PHF3: variants seen among roughly 807,000 people sequenced by gnomAD.
PHF3 encodes PHD finger protein 3.
Under a neutral mutation model 178.4 loss-of-function variants are expected in PHF3, and 41 were observed. The ratio of observed to expected loss-of-function variants is 0.23; its 90% CI spans 0.18 to 0.30. PHF3 has a LOEUF of 0.30. Among genes scored for constraint, PHF3 ranks in the 10% least tolerant of loss-of-function variants. The pLI, the probability that PHF3 is intolerant of heterozygous loss-of-function variation, is 1.00. For synonymous variants in PHF3, 842 were observed against 800.5 expected (o/e 1.05, Z -0.88); for missense variants, 2,346 against 2,398.1 (o/e 0.98, Z 0.45).
chr6:63,663,684 A>C (rs950184209), intron 2 of PHF3, among the ~76,000 whole-genome samples: 1 of 152,148 alleles, frequency 6.6e-6, no homozygotes, highest in South Asian at 2.1e-4. Flanking sequence ...GCTAACAGTG[A>C]TAGAAAACTC....
chr6:63,655,739 G>A (rs2149549849), intron 2 of PHF3, among the ~76,000 whole-genome samples: 1 of 152,228 alleles, frequency 6.6e-6, no homozygotes, highest in African/African-American at 2.4e-5. Flanking sequence ...AGTTCGGTTT[G>A]TTTCTTGTTG....
intron 6 of PHF3, among the ~76,000 whole-genome samples, 183 bp from the exon 7 acceptor site, chr6:63,698,040 G>A (rs183309198): frequency 3.3e-5 from 5 of 152,258 alleles, no homozygotes; most frequent in Non-Finnish European, 4.4e-5. Context: ...AGTAGGACCA[G>A]TTTTTAGTCA....
Position 63,720,983 on chromosome 6 carries a change from C to G in PHF3, c.*7275C>G, listed in dbSNP as rs1174889920. On this transcript the variant is annotated 3_prime_UTR_variant, in exon 16 of 16. Transcript: ENST00000262043. ...CCAAGTTAACTGCTATTTTCAAGGT[C>G]TGATTATGGAGACCAATTGCCAGAA... The G allele has an allele frequency of 1.3e-6, 2 of 1,551,240 alleles. No homozygotes were observed. The highest frequency in any genetic ancestry group is 2.7e-5 in the African/African-American group (2 of 73,016).
Position 63,721,942 on chromosome 6 carries a change from C to T in PHF3, c.*8234C>T. 1 of 735,092 alleles carries T rather than the reference C, an allele frequency of 1.4e-6. No individual in the cohort carries two copies. 45.5% of individuals were successfully genotyped at this position (735,092 alleles called of 1,614,324 possible). A position where few individuals can be genotyped will look rare whatever the true frequency, so the allele number is the denominator to read the frequency against. On this transcript the variant is annotated 3_prime_UTR_variant, in exon 16 of 16. Coordinates refer to ENST00000262043, the MANE Select transcript of PHF3 (RefSeq NM_001370348.2). ...AGCACAATTGTGTTAGTTTTGTTTC[C>T]ACTCACAGAGCAAAATGCATATATC...
intron 1 of PHF3, among the ~76,000 whole-genome samples, chr6:63,637,123 A>G (rs1764376068): frequency 6.6e-6 from 1 of 152,236 alleles, no homozygotes; most frequent in African/African-American, 2.4e-5. Flanking sequence ...CATTACATGT[A>G]GCGATATTTA....
intron 5 of PHF3, among the ~76,000 whole-genome samples, chr6:63,692,988 C>T (rs996672191): frequency 2.0e-5 from 3 of 152,196 alleles, no homozygotes; most frequent in Admixed American, 2.0e-4. Flanking sequence ...TTCAGGCATT[C>T]CTTGTACGAC....
chr6:63,663,527 C>A (rs1018021890), intron 2 of PHF3, among the ~76,000 whole-genome samples: 1 of 152,126 alleles, frequency 6.6e-6, no homozygotes, highest in Non-Finnish European at 1.5e-5. Context: ...CCTGTCTGAC[C>A]CCAGAAACAC....
In PHF3 at chr6:63,685,471, A is replaced by G; in HGVS notation, c.1749A>G (p.Gln583=). The change falls in exon 4 of 16, where the codon CAA becomes CAG. Residue 583 remains glutamine (Q), a synonymous_variant. Coordinates refer to ENST00000262043, the MANE Select transcript of PHF3 (RefSeq NM_001370348.2). ...TACTGAAAAAAACATTACAGGATCA[A>G]ACTTTAGTACAAATTTTCAAGCCCT... ...HSVLKKTLQD[Q]TLVQIFKPLT... is the part of the protein sequence containing the mutation. The G allele has an allele frequency of 6.2e-7, 1 of 1,614,090 alleles. No individual in the cohort carries two copies. Among genetic ancestry groups the G allele is most frequent in the East Asian group, 2.2e-5 (1 of 44,876 alleles).
Position 63,685,541 on chromosome 6 carries a change from T to A in PHF3, c.1819T>A (p.Leu607Met), listed in dbSNP as rs1362751990. Reference protein sequence around the residue: ...SDKSHAHPGCLKEPHHPAQTG... With the variant: ...SDKSHAHPGCMKEPHHPAQTG... ...TAAGTCACACGCTCATCCTGGTTGC[T>A]TGAAAGAACCTCATCATCCTGCACA... is the stretch of plus-strand genomic sequence containing the variant. Residue 607 changes from leucine (L) to methionine (M), a missense_variant, in exon 4 of 16, where the codon TTG (leucine) becomes ATG (methionine). Around this residue, in one of 8 missense-constraint regions of PHF3, gnomAD observed 843 missense variants for 795.2 expected, o/e 1.06. Transcript: ENST00000262043. 1 of 1,614,118 alleles carries A rather than the reference T, an allele frequency of 6.2e-7. No individual in the cohort carries two copies. Among genetic ancestry groups the A allele is most frequent in the East Asian group, 2.2e-5 (1 of 44,880 alleles).
Position 63,725,857 on chromosome 6 carries a change from A to C in PHF3, c.*12149A>C, listed in dbSNP as rs566612710. Among the ~76,000 whole-genome samples, 1 of 152,292 alleles carries C rather than the reference A, an allele frequency of 6.6e-6. No individual in the cohort carries two copies. The highest frequency in any genetic ancestry group is 1.9e-4 in the East Asian group (1 of 5,194). On this transcript the variant is annotated 3_prime_UTR_variant, in exon 16 of 16. Coordinates refer to ENST00000262043, the MANE Select transcript of PHF3 (RefSeq NM_001370348.2). ...AATTGTTTCTCATTTTCTGAGAGAC[A>C]AGATCAAAGAAAGTCAAATGTAAGA...
intron 3 of PHF3, among the ~76,000 whole-genome samples, chr6:63,683,093 C>G (rs1766510193): frequency 6.6e-6 from 1 of 151,996 alleles, no homozygotes; most frequent in Non-Finnish European, 1.5e-5. Context: ...ACCTAATACT[C>G]AGATACTTTG....
intron 1 of PHF3, among the ~76,000 whole-genome samples, chr6:63,645,302 T>C (rs183975261): frequency 6.6e-6 from 1 of 152,326 alleles, no homozygotes; most frequent in Admixed American, 6.5e-5. Flanking sequence ...GAATTTTGGC[T>C]CTGTTTTGTG....
intron 14 of PHF3, among the ~76,000 whole-genome samples, chr6:63,710,687 G>A (rs1231004620): frequency 6.6e-6 from 1 of 152,106 alleles, no homozygotes; most frequent in African/African-American, 2.4e-5. Context: ...TCAGTGCCTA[G>A]TAACTGGATT....
chr6:63,694,278 A>C (rs1767136764), intron 5 of PHF3, among the ~76,000 whole-genome samples: 1 of 152,212 alleles, frequency 6.6e-6, no homozygotes, highest in African/African-American at 2.4e-5. Context: ...CATTTGTTTT[A>C]GAATATAGAT....
chr6:63,692,341 G>T (rs915184954), intron 5 of PHF3, among the ~76,000 whole-genome samples: 1 of 148,154 alleles, frequency 6.7e-6, no homozygotes, highest in Non-Finnish European at 1.5e-5. Context: ...TGGCCATTAA[G>T]TGTAAATTGT....
intron 6 of PHF3, among the ~76,000 whole-genome samples, chr6:63,696,735 A>G (rs1199167877): frequency 6.6e-6 from 1 of 152,238 alleles, no homozygotes; most frequent in Admixed American, 6.5e-5. Context: ...TGAAGTTTCA[A>G]GAAGGAAGGA....
chr6:63,699,556 C>T (rs561233729), intron 8 of PHF3, among the ~76,000 whole-genome samples: 2 of 152,174 alleles, frequency 1.3e-5, no homozygotes, highest in East Asian at 3.9e-4. Context: ...GGAAGCTTTT[C>T]TTCAGCAATT....
At position 63,713,718 on chromosome 6, in the gene PHF3, G is replaced by A; in HGVS notation, c.*10G>A. 1 of 1,533,772 alleles carries A rather than the reference G, an allele frequency of 6.5e-7. No individual in the cohort carries two copies. The highest frequency in any genetic ancestry group is 8.7e-7 in the Non-Finnish European group (1 of 1,145,776). The stretch of plus-strand genomic sequence containing the variant: ...TAAAAGCAAAAGGTAAAATTTGCAG[G>A]CTGCTTCAGGATTACATTTAAATAA... On this transcript the variant is annotated 3_prime_UTR_variant, in exon 16 of 16. Coordinates refer to ENST00000262043, the MANE Select transcript of PHF3 (RefSeq NM_001370348.2).
chr6:63,673,711 C>T (rs1766027825), intron 2 of PHF3, among the ~76,000 whole-genome samples: 1 of 152,170 alleles, frequency 6.6e-6, no homozygotes, highest in South Asian at 2.1e-4. Context: ...TGGAATGCCT[C>T]CCAGACCCTT....
Sources: gnomAD v4.1 joint callset for allele counts (sites outside exome capture counted in the v4.1 genomes callset) on GRCh38, gnomAD v4.1.1 for gene constraint, gnomAD v4.1.1 regional missense constraint, MANE v1.5 for transcripts, NCBI Gene and HGNC (gene_info 2026-07-23, HGNC 2026-07-21) for gene names.